COL27A1: variants seen among roughly 807,000 people sequenced by gnomAD.
The protein encoded by COL27A1 is collagen type XXVII alpha 1 chain, also known as collagen alpha-1(XXVII) chain.
In COL27A1, 106 loss-of-function variants were observed where a neutral mutation model predicts 251.3. The ratio of observed to expected loss-of-function variants is 0.42; its 90% CI spans 0.36 to 0.50. COL27A1 has a LOEUF of 0.50. Ranked by LOEUF, COL27A1 falls within the 20% of genes least tolerant of loss-of-function variation. COL27A1 has a pLI of 0.00. For synonymous variants in COL27A1, 1,000 were observed against 986.3 expected (o/e 1.01, Z -0.26); for missense variants, 2,325 against 2,522.8 (o/e 0.92, Z 1.68).
intron 40 of COL27A1, 30 bp from the exon 41 acceptor site, chr9:114,284,694 C>T: frequency 6.2e-7 from 1 of 1,612,916 alleles, no homozygotes; most frequent in Non-Finnish European, 8.5e-7. Flanking sequence ...AGTCCTCATT[C>T]TCACTTCCCT....
At position 114,168,855 on chromosome 9, in the gene COL27A1, A is replaced by C. The variant is rs1849093908; in HGVS notation, c.1300A>C (p.Arg434=). ...KPIQRNPGMP[R]PPPPSTRPLP... The stretch of plus-strand genomic sequence containing the variant: ...CATCCAGAGGAACCCGGGAATGCCC[A>C]GGCCCCCACCGCCCAGCACCCGGCC... Residue 434 remains arginine, a synonymous_variant, in exon 3 of 61, where the codon AGG becomes CGG. Transcript: ENST00000356083. The C allele has an allele frequency of 2.5e-6, 4 of 1,613,772 alleles. No homozygotes were observed. Among genetic ancestry groups the C allele is most frequent in the East Asian group, 2.2e-5 (1 of 44,852 alleles).
chr9:114,186,120 A>T (rs1828320370), intron 5 of COL27A1, among the ~76,000 whole-genome samples: 1 of 152,350 alleles, frequency 6.6e-6, no homozygotes, highest in African/African-American at 2.4e-5. Flanking sequence ...CAGCTGGCAC[A>T]GGCCAGAGCC....
In COL27A1 at chr9:114,237,819, C is replaced by T. The variant is rs940964432; in HGVS notation, c.2727+104C>T. On this transcript the variant is annotated intron_variant, in intron 19 of 60. Coordinates refer to ENST00000356083, the MANE Select transcript of COL27A1 (RefSeq NM_032888.4). ...GGGGAAAGACTTGCTTTAGGTCACA[C>T]AGGATATGAGAGATGAGGCTGAGAG... The T allele has an allele frequency of 4.4e-6, 4 of 910,190 alleles. No individual in the cohort carries two copies. In the African/African-American group the frequency reaches 4.9e-5, roughly 11 times the overall value. 56.4% of individuals were successfully genotyped at this position (910,190 alleles called of 1,614,324 possible).
chr9:114,185,875 T>C (rs1312179694), intron 5 of COL27A1, among the ~76,000 whole-genome samples: 2 of 152,218 alleles, frequency 1.3e-5, no homozygotes, highest in African/African-American at 4.8e-5. Flanking sequence ...CAGGTGCTTA[T>C]GGCCTTGTGG....
Position 114,167,993 on chromosome 9 carries a change from C to T in COL27A1, c.438C>T (p.Ala146=), listed in dbSNP as rs766032017. 2 of 1,604,804 alleles carry T rather than the reference C, an allele frequency of 1.2e-6. No homozygotes were observed. Among genetic ancestry groups the T allele is most frequent in the African/African-American group, 1.3e-5 (1 of 74,932 alleles). Reference sequence around the variant, plus strand: ...ACCTCGGGTCCCGGCGCTCAGTGGCCTTCGACCTCGACATGCACGACGGGC... The same window carrying T: ...ACCTCGGGTCCCGGCGCTCAGTGGCTTTCGACCTCGACATGCACGACGGGC... ...VVHLGSRRSV[A]FDLDMHDGRW... The change falls in exon 3 of 61, where the codon GCC becomes GCT. Residue 146 remains alanine (A), a synonymous_variant. Transcript: ENST00000356083.
At chr9:114,219,265 G>A (rs766148987) in intron 12 of COL27A1, among the ~76,000 whole-genome samples, 44 of 152,162 alleles carry the variant, frequency 2.9e-4, no homozygotes, top group Non-Finnish European at 5.0e-4. Flanking sequence ...CATGTTCACT[G>A]GTGGTGTGAC....
intron 57 of COL27A1, chr9:114,306,224 TCCCACGC>T: frequency 3.8e-6 from 1 of 263,626 alleles, no homozygotes; most frequent in Non-Finnish European, 7.2e-6. Context: ...CTGCCGAGTG[TCCCACGC>T]ACCCTCGCCT....
intron 2 of COL27A1, among the ~76,000 whole-genome samples, chr9:114,166,415 T>TCA (rs1848880450): frequency 2.5e-5 from 1 of 39,554 alleles, no homozygotes; most frequent in Non-Finnish European, 5.9e-5. Flanking sequence ...ACCTATCCAT[T>TCA]TATCCATTCA....
chr9:114,192,833 G>A (rs1164341200), intron 5 of COL27A1, among the ~76,000 whole-genome samples: 1 of 152,236 alleles, frequency 6.6e-6, no homozygotes, highest in Non-Finnish European at 1.5e-5. Context: ...AGTTCAGAAT[G>A]CAGTGATGTC....
chr9:114,170,120 T>C (rs780162270), intron 3 of COL27A1, among the ~76,000 whole-genome samples: 19 of 152,250 alleles, frequency 1.2e-4, no homozygotes, highest in Non-Finnish European at 2.6e-4. Flanking sequence ...TGGTCCCCAC[T>C]TCTCCTGACT....
chr9:114,166,444 T>TATCCGTCC (rs1554786444), intron 2 of COL27A1, among the ~76,000 whole-genome samples: 4 of 140,858 alleles, frequency 2.8e-5, no homozygotes, highest in African/African-American at 8.3e-5. Context: ...TCCATTCATC[T>TATCCGTCC]ATCCATCCAT....
At chr9:114,234,014 A>T (rs1287227803) in intron 16 of COL27A1, among the ~76,000 whole-genome samples, 2 of 151,922 alleles carry the variant, frequency 1.3e-5, no homozygotes, top group Non-Finnish European at 2.9e-5. Context: ...ATTTTCCATG[A>T]CCCAGCCTGG....
intron 7 of COL27A1, among the ~76,000 whole-genome samples, chr9:114,200,342 T>C (rs1810521100): frequency 1.3e-5 from 2 of 152,340 alleles, no homozygotes; most frequent in South Asian, 4.1e-4. Context: ...TGGGTGCATC[T>C]ATATTCTTCT....
chr9:114,214,948 A>G (rs890345959), intron 12 of COL27A1, among the ~76,000 whole-genome samples: 4 of 152,230 alleles, frequency 2.6e-5, no homozygotes, highest in Non-Finnish European at 2.9e-5. Context: ...CTCTACGAGC[A>G]GGCTAGGAAG....
chr9:114,232,843 C>G (rs935962148), intron 16 of COL27A1, among the ~76,000 whole-genome samples: 2 of 152,192 alleles, frequency 1.3e-5, no homozygotes, highest in Non-Finnish European at 2.9e-5. Context: ...GAGGCCAAGG[C>G]GGGCGGATCA....
chr9:114,156,714 C>G (rs933352532), intron 1 of COL27A1, among the ~76,000 whole-genome samples: 4 of 152,068 alleles, frequency 2.6e-5, no homozygotes, highest in East Asian at 1.9e-4. Flanking sequence ...GAGACAGGGC[C>G]GGAGAGGGGC....
intron 28 of COL27A1, among the ~76,000 whole-genome samples, chr9:114,259,935 G>A (rs996816869): frequency 6.0e-5 from 9 of 151,004 alleles, no homozygotes; most frequent in African/African-American, 2.2e-4. Flanking sequence ...CTGGAAGAGG[G>A]AAGATTAAAA....
intron 23 of COL27A1, among the ~76,000 whole-genome samples, chr9:114,244,524 T>TTTTA (rs1832979610): frequency 1.3e-5 from 2 of 152,174 alleles, no homozygotes; most frequent in African/African-American, 4.8e-5. Flanking sequence ...CAAAAGATTG[T>TTTTA]CGGGTCAAGT....
At chr9:114,243,638 A>C in intron 23 of COL27A1, 78 bp downstream of exon 23, 1 of 1,220,610 alleles carries the variant, frequency 8.2e-7, no homozygotes, top group Non-Finnish European at 1.2e-6. Context: ...CAAGCCCCAA[A>C]TCCCATGGCC....
Sources: gnomAD v4.1 joint callset for allele counts (sites outside exome capture counted in the v4.1 genomes callset) on GRCh38, gnomAD v4.1.1 for gene constraint, MANE v1.5 for transcripts, NCBI Gene and HGNC (gene_info 2026-07-23, HGNC 2026-07-21) for gene names.